PRKG2: variants seen among roughly 807,000 people sequenced by gnomAD.
PRKG2 encodes the protein protein kinase cGMP-dependent 2.
In PRKG2, 33 loss-of-function variants were observed where a neutral mutation model predicts 97.2. The observed-to-expected ratio is 0.34, with a 90% CI of 0.26 to 0.45. The LOEUF (loss-of-function observed/expected upper bound fraction) is 0.45. Ranked by LOEUF, PRKG2 falls within the 20% of genes least tolerant of loss-of-function variation. The pLI is 1.00. For missense variants in PRKG2, 638 were observed against 900.0 expected, an observed-to-expected ratio of 0.71 and a Z score of 3.73; for synonymous variants, 330 against 321.8, an observed-to-expected ratio of 1.03 and a Z score of -0.27.
At chr4:81,134,678 T>C (rs949714668) in intron 14 of PRKG2, among the ~76,000 whole-genome samples, 4 of 152,132 alleles carry the variant, frequency 2.6e-5, no homozygotes, top group African/African-American at 9.7e-5. Context: ...TACTCTAGGA[T>C]TGTGATGTTA....
chr4:81,179,141 A>G (rs773321896), intron 2 of PRKG2, among the ~76,000 whole-genome samples: 21 of 152,078 alleles, frequency 1.4e-4, no homozygotes, highest in Non-Finnish European at 1.5e-4. Flanking sequence ...AAACAAAAAA[A>G]AAAAGAAAAG....
intron 6 of PRKG2, among the ~76,000 whole-genome samples, chr4:81,154,497 C>CT (rs1266604652): frequency 3.8e-5 from 5 of 133,324 alleles, no homozygotes; most frequent in African/African-American, 7.8e-5. Flanking sequence ...AGGCACCCCC[C>CT]AGCAGGGGCA....
intron 1 of PRKG2, among the ~76,000 whole-genome samples, chr4:81,210,787 C>T (rs1753930495): frequency 6.6e-6 from 1 of 152,060 alleles, no homozygotes; most frequent in Admixed American, 6.6e-5. Flanking sequence ...ATTCCCAAAA[C>T]CTGAAAGCAA....
chr4:81,102,452 TG>T (rs897191936), intron 17 of PRKG2, among the ~76,000 whole-genome samples: 5 of 152,178 alleles, frequency 3.3e-5, no homozygotes, highest in Admixed American at 2.0e-4. Flanking sequence ...ATATGAATAG[TG>T]TGTTTCTGTG....
chr4:81,124,603 GAGA>G (rs1413932010), intron 14 of PRKG2, among the ~76,000 whole-genome samples: 3 of 152,228 alleles, frequency 2.0e-5, no homozygotes, highest in African/African-American at 7.2e-5. Flanking sequence ...GGCCCACCTG[GAGA>G]AGAATTAAGG....
intron 17 of PRKG2, among the ~76,000 whole-genome samples, chr4:81,093,079 C>T (rs916886683): frequency 6.6e-6 from 1 of 152,134 alleles, no homozygotes; most frequent in Non-Finnish European, 1.5e-5. Flanking sequence ...TTGCTGTAAC[C>T]TATAAGGCTT....
At chr4:81,188,828 T>A (rs1237631127) in intron 2 of PRKG2, among the ~76,000 whole-genome samples, 7 of 79,094 alleles carry the variant, frequency 8.9e-5, no homozygotes, top group African/African-American at 4.8e-4. Context: ...AACAATGAGA[T>A]CACATGGACA....
At chr4:81,211,040 G>A (rs1753945616) in intron 1 of PRKG2, among the ~76,000 whole-genome samples, 1 of 152,084 alleles carries the variant, frequency 6.6e-6, no homozygotes, top group East Asian at 1.9e-4. Context: ...CAGGAGCTTG[G>A]GGAAAGACAG....
Position 81,098,510 on chromosome 4 carries a change from C to T in PRKG2, c.2126+5860G>A, listed in dbSNP as rs541582479. On this transcript the variant is annotated intron_variant, in intron 17 of 18. Coordinates refer to ENST00000264399, the MANE Select transcript of PRKG2 (RefSeq NM_006259.3). ...TCTATCTCAGCTTTTGATATGCCTT[C>T]TTCACTAAGCTTAATAATTTCTAGC... 3.3e-5 allele frequency among the ~76,000 whole-genome samples: 5 copies of T among 152,258 alleles called. No homozygotes were observed. The South Asian group carries it at 1.0e-3, about 32-fold the overall frequency.
chr4:81,113,799 TCTAGA>T (rs1172236472), intron 14 of PRKG2, among the ~76,000 whole-genome samples: 4 of 152,126 alleles, frequency 2.6e-5, no homozygotes, highest in African/African-American at 9.7e-5. Context: ...TTTACCCAAG[TCTAGA>T]CAAGGGTAAA....
At chr4:81,103,429 T>C (rs1387029995) in intron 17 of PRKG2, among the ~76,000 whole-genome samples, 4 of 151,858 alleles carry the variant, frequency 2.6e-5, no homozygotes, top group Non-Finnish European at 5.9e-5. Context: ...TAAAGCATGG[T>C]TTGAGGTTCT....
intron 15 of PRKG2, 115 bp downstream of exon 15, chr4:81,110,333 T>C (rs544789049): frequency 2.2e-5 from 25 of 1,134,888 alleles, no homozygotes; most frequent in Non-Finnish European, 2.9e-5. Context: ...GTATCATACT[T>C]AATCGAAAAC....
chr4:81,185,230 A>C (rs571141067), intron 2 of PRKG2, among the ~76,000 whole-genome samples: 3 of 152,188 alleles, frequency 2.0e-5, no homozygotes, highest in Non-Finnish European at 4.4e-5. Flanking sequence ...CCAGAGAGAA[A>C]GGTCGGGTTA....
Position 81,104,355 on chromosome 4 carries a change from G to T in PRKG2, c.2126+15C>A, listed in dbSNP as rs17005053. The T allele has an allele frequency of 0.033, 49,477 of 1,506,450 alleles. 5,443 individuals carry two copies. The East Asian group carries it at 0.33, about 10-fold the overall frequency. 93.3% of individuals were successfully genotyped at this position (1,506,450 alleles called of 1,614,324 possible). ...AAATTTCTATATTTTTCTGGGCAAA[G>T]AAATAATTATGTACCTGTGTTTCTT... On this transcript the variant is annotated intron_variant, in intron 17 of 18. Transcript: ENST00000264399.
upstream of PRKG2, among the ~76,000 whole-genome samples, chr4:81,216,866 G>T (rs892272335): frequency 4.8e-5 from 7 of 146,502 alleles, no homozygotes; most frequent in Non-Finnish European, 1.0e-4. Flanking sequence ...TGATTTCATT[G>T]TTTTTGTGGC....
intron 9 of PRKG2, among the ~76,000 whole-genome samples, chr4:81,145,199 G>A (rs562628474): frequency 6.6e-6 from 1 of 152,184 alleles, no homozygotes; most frequent in South Asian, 2.1e-4. Context: ...TTCCACAATG[G>A]CTGAACTAGT....
chr4:81,134,896 T>G (rs1374309383), intron 14 of PRKG2, among the ~76,000 whole-genome samples: 1 of 152,126 alleles, frequency 6.6e-6, no homozygotes, highest in African/African-American at 2.4e-5. Context: ...ACAAAAATAC[T>G]GATAAAATCC....
At chr4:81,127,568 T>A (rs1277365644) in intron 14 of PRKG2, among the ~76,000 whole-genome samples, 2 of 152,204 alleles carry the variant, frequency 1.3e-5, no homozygotes, top group African/African-American at 2.4e-5. Context: ...TAAGTTGTAT[T>A]CCTAGGTTTT....
At chr4:81,156,662 T>C (rs1288446983) in intron 6 of PRKG2, among the ~76,000 whole-genome samples, 4 of 152,070 alleles carry the variant, frequency 2.6e-5, no homozygotes, top group Non-Finnish European at 4.4e-5. Flanking sequence ...TACTCCAAAA[T>C]TGACCACATA....
Sources: gnomAD v4.1 joint callset for allele counts (sites outside exome capture counted in the v4.1 genomes callset) on GRCh38, gnomAD v4.1.1 for gene constraint, MANE v1.5 for transcripts, NCBI Gene and HGNC (gene_info 2026-07-23, HGNC 2026-07-21) for gene names.